PUDP: variants seen among roughly 807,000 people sequenced by gnomAD.
The protein encoded by PUDP is pseudouridine 5'-phosphatase, also known as pseudouridine-5'-phosphatase.
In PUDP, 8 loss-of-function variants were observed where a neutral mutation model predicts 9.4. That is an observed-to-expected ratio of 0.85 (90% CI 0.50 to 1.53). PUDP has a LOEUF of 1.53. PUDP is among the 40% of genes most tolerant of loss of function. PUDP has a pLI of 0.00. For missense variants in PUDP, 188 were observed against 189.7 expected (o/e 0.99, Z 0.05); for synonymous variants, 99 against 80.7 (o/e 1.23, Z -1.22).
chrX:6,833,944 ATGT>A (rs1409852664), intron 3 of PUDP, among the ~76,000 whole-genome samples: 3 of 112,296 alleles, frequency 2.7e-5, no homozygotes, highest in Admixed American at 1.9e-4. Context: ...GCAGCACTAA[ATGT>A]TGTACTATTT....
chrX:6,835,668 A>G (rs766834302), intron 3 of PUDP, among the ~76,000 whole-genome samples: 3 of 111,659 alleles, frequency 2.7e-5, no homozygotes, highest in East Asian at 5.6e-4. Flanking sequence ...GTCTCTCCCA[A>G]TTTTGTAGGA....
chrX:6,736,641 T>A (rs1318514440), intron 3 of PUDP, among the ~76,000 whole-genome samples: 5 of 111,754 alleles, frequency 4.5e-5, no homozygotes, highest in Non-Finnish European at 9.4e-5. Context: ...GAAAGCATGG[T>A]TCATATGCAC....
At chrX:6,968,153 T>G (rs1273068275) in intron 3 of PUDP, among the ~76,000 whole-genome samples, 1 of 112,386 alleles carries the variant, frequency 8.9e-6, no homozygotes, top group Non-Finnish European at 1.9e-5. Context: ...TTTCTCCTGT[T>G]AATCTGCCTT....
chrX:6,983,996 T>C (rs990085292), intron 1 of PUDP, among the ~76,000 whole-genome samples: 2 of 112,631 alleles, frequency 1.8e-5, no homozygotes, highest in Admixed American at 9.4e-5. Context: ...AATCCCTTTA[T>C]TCCTTCCTTG....
At chrX:7,071,285 A>G (rs1453741880) in intron 3 of PUDP, among the ~76,000 whole-genome samples, 1 of 111,323 alleles carries the variant, frequency 9.0e-6, no homozygotes, top group Non-Finnish European at 1.9e-5. Context: ...TAATTGAACT[A>G]TAAGTTCCCT....
At chrX:7,123,522 C>A (rs1412353900) in intron 1 of PUDP, among the ~76,000 whole-genome samples, 8 of 111,642 alleles carry the variant, frequency 7.2e-5, no homozygotes, top group African/African-American at 2.6e-4. Context: ...GCACGTAAAT[C>A]CTGTCTTACC....
At chrX:7,114,890 C>T (rs1188366310) in intron 1 of PUDP, among the ~76,000 whole-genome samples, 6 of 112,032 alleles carry the variant, frequency 5.4e-5, no homozygotes, top group Non-Finnish European at 1.1e-4. Context: ...ATATTGTACC[C>T]CATTATGGTT....
intron 3 of PUDP, among the ~76,000 whole-genome samples, chrX:6,785,522 G>A (rs776896637): frequency 2.7e-5 from 3 of 109,941 alleles, no homozygotes; most frequent in East Asian, 5.7e-4. Flanking sequence ...TTATCTCCCC[G>A]GATGGCATTC....
At chrX:6,909,224 TAAAA>T (rs1927813027) in intron 3 of PUDP, among the ~76,000 whole-genome samples, 1 of 111,866 alleles carries the variant, frequency 8.9e-6, no homozygotes, top group Admixed American at 9.5e-5. Context: ...ATCATATAAT[TAAAA>T]GAATAGTTTG....
chrX:6,964,144 C>A (rs976697403), intron 3 of PUDP, among the ~76,000 whole-genome samples: 40 of 112,047 alleles, frequency 3.6e-4, no homozygotes, highest in African/African-American at 1.1e-3. Flanking sequence ...AGGTCTTTTG[C>A]ATAATACAAA....
At chrX:6,801,349 T>C (rs1353898165) in intron 3 of PUDP, among the ~76,000 whole-genome samples, 1 of 111,346 alleles carries the variant, frequency 9.0e-6, no homozygotes, top group East Asian at 2.8e-4. Flanking sequence ...CATTTCTGTA[T>C]AGAAAACAAT....
chrX:6,888,522 C>T (rs1441551301), intron 3 of PUDP, among the ~76,000 whole-genome samples: 2 of 109,538 alleles, frequency 1.8e-5, no homozygotes, highest in African/African-American at 3.3e-5. Context: ...TGGTGGTGCA[C>T]GCCTGTAGTC....
exon 1 of PUDP, chrX:6,721,493 C>T (rs1294811205): frequency 8.9e-6 from 1 of 112,178 alleles, no homozygotes; most frequent in Non-Finnish European, 1.9e-5. Context: ...GAAGAAGTCT[C>T]GCCAAAGCTG....
chrX:7,014,629 G>C (rs1929523099), intron 1 of PUDP, among the ~76,000 whole-genome samples: 1 of 111,767 alleles, frequency 8.9e-6, no homozygotes, highest in Admixed American at 9.4e-5. Flanking sequence ...TATATTTTCA[G>C]TAACTTTATG....
intron 3 of PUDP, among the ~76,000 whole-genome samples, chrX:6,842,576 A>C (rs1270935079): frequency 2.7e-5 from 3 of 112,701 alleles, no homozygotes; most frequent in African/African-American, 9.7e-5. Flanking sequence ...ATGTATATTG[A>C]CAATTACACA....
rs111901842 is a variant in PUDP, at chrX:7,133,215, G to A, written c.61+14838C>T. Among the ~76,000 whole-genome samples the A allele has an allele frequency of 4.0e-3, 442 of 111,685 alleles. 2 individuals are homozygous for A. The highest frequency in any genetic ancestry group is 0.014 in the African/African-American group (426 of 30,692). On this transcript the variant is annotated intron_variant, in intron 1 of 3. Transcript: ENST00000381077. ...TCAGAGCTGCCTCTTGGCCACGCGG[G>A]TAGGAAGAGCCTGTGGTCACTGGGA...
chrX:6,782,569 CAAAATAAAATAAT>C (rs1925582126), intron 3 of PUDP, among the ~76,000 whole-genome samples: 1 of 110,798 alleles, frequency 9.0e-6, no homozygotes, highest in South Asian at 3.8e-4. Flanking sequence ...GACTCCATCT[CAAAATAAAATAAT>C]AAAATAAAAT....
chrX:6,774,483 T>C (rs1213908865), intron 3 of PUDP, among the ~76,000 whole-genome samples: 1 of 112,082 alleles, frequency 8.9e-6, no homozygotes, highest in African/African-American at 3.2e-5. Context: ...GGGTGGGCAA[T>C]AGTACCTCAG....
chrX:6,883,105 G>A (rs1219261268), intron 3 of PUDP, among the ~76,000 whole-genome samples: 1 of 111,930 alleles, frequency 8.9e-6, no homozygotes, highest in African/African-American at 3.2e-5. Context: ...CCCCACATCT[G>A]GCCCCATGTG....
Sources: allele counts gnomAD v4.1 joint callset (sites outside exome capture counted in the v4.1 genomes callset), GRCh38; gene constraint gnomAD v4.1.1; transcripts MANE v1.5; gene names NCBI Gene and HGNC (gene_info 2026-07-23, HGNC 2026-07-21).